The following INTS8 variants were observed in gnomAD, a reference collection of about 807,000 sequenced individuals.
The protein encoded by INTS8 is protein kaonashi-1.
Under a neutral mutation model 138.9 loss-of-function variants are expected in INTS8, and 47 were observed. That is an observed-to-expected ratio of 0.34 (90% CI 0.27 to 0.43). The LOEUF (loss-of-function observed/expected upper bound fraction) is 0.43. INTS8 is among the 20% of genes least tolerant of loss of function. INTS8 has a pLI of 1.00. For synonymous variants in INTS8, 392 were observed against 400.9 expected (o/e 0.98, Z 0.27); for missense variants, 996 against 1,173.0 (o/e 0.85, Z 2.20).
At position 94,865,503 on chromosome 8, in the gene INTS8, T is replaced by C. The variant is rs1337567814; in HGVS notation, c.2077-3T>C. The C allele has an allele frequency of 3.1e-6, 5 of 1,609,548 alleles. No homozygotes were observed. The highest frequency in any genetic ancestry group is 1.7e-5 in the Admixed American group (1 of 59,444). On this transcript the variant is annotated splice_region_variant and splice_polypyrimidine_tract_variant and intron_variant, in intron 16 of 26. Coordinates refer to ENST00000523731, the MANE Select transcript of INTS8 (RefSeq NM_017864.4). ...TTTGTGTATTTTGTTTTTCATGTTATAGCTTGGACAGCTTTTAGCAGCTAC... is the reference window on the plus strand; with the variant it reads ...TTTGTGTATTTTGTTTTTCATGTTACAGCTTGGACAGCTTTTAGCAGCTAC...
chr8:94,828,958 A>G lies in INTS8; in HGVS notation c.519-17A>G. 1 of 1,558,810 alleles carries G rather than the reference A, an allele frequency of 6.4e-7. No individual in the cohort carries two copies. The highest frequency in any genetic ancestry group is 8.8e-7 in the Non-Finnish European group (1 of 1,135,156). On this transcript the variant is annotated splice_polypyrimidine_tract_variant and intron_variant, in intron 4 of 26. Coordinates refer to ENST00000523731, the MANE Select transcript of INTS8 (RefSeq NM_017864.4). ...AGTAACTTTTGATACTTTTGTTTTCAATTGTTTCTCTTTTAGTATGAATCA... is the reference window on the plus strand; with the variant it reads ...AGTAACTTTTGATACTTTTGTTTTCGATTGTTTCTCTTTTAGTATGAATCA...
rs1445215431 is a variant in INTS8 at position 94,838,582 on chromosome 8, T to A, written c.981T>A (p.Ser327Arg). ...CATCTCAACAGTTGACTCCATATAG[T>A]CAAGTCCATATTTGTTTGAGATCTG... Reference protein sequence around the residue: ...DSTSQQLTPYSQVHICLRSGN... With the variant: ...DSTSQQLTPYRQVHICLRSGN... The change falls in exon 8 of 27, where the codon AGT becomes AGA. Residue 327 changes from serine to arginine, a missense_variant. Transcript: ENST00000523731. The A allele has an allele frequency of 1.2e-6, 2 of 1,613,666 alleles. No individual in the cohort carries two copies. Among genetic ancestry groups the A allele is most frequent in the Non-Finnish European group, 1.7e-6 (2 of 1,179,612 alleles).
intron 16 of INTS8, among the ~76,000 whole-genome samples, chr8:94,864,283 A>T (rs1816096920): frequency 6.6e-6 from 1 of 152,192 alleles, no homozygotes; most frequent in Admixed American, 6.5e-5. Context: ...CGCCTTAAGC[A>T]GTAGGGACCC....
At chr8:94,855,346 G>A (rs933889982) in intron 14 of INTS8, among the ~76,000 whole-genome samples, 3 of 152,166 alleles carry the variant, frequency 2.0e-5, no homozygotes, top group Non-Finnish European at 4.4e-5. Context: ...TTTTGAAAAT[G>A]TATGTGCTAA....
chr8:94,827,423 C>A lies in INTS8; in HGVS notation c.446+20C>A. The A allele has an allele frequency of 6.2e-7, 1 of 1,613,370 alleles. No homozygotes were observed. The highest frequency in any genetic ancestry group is 1.1e-5 in the South Asian group (1 of 91,024). ...TAGATGGTAAATGTTTTCATAAACT[C>A]AGAAGGCGTTGGGCAACCTCTGTTT... is the stretch of plus-strand genomic sequence containing the variant. On this transcript the variant is annotated intron_variant, in intron 3 of 26. Coordinates refer to ENST00000523731, the MANE Select transcript of INTS8 (RefSeq NM_017864.4).
At position 94,824,898 on chromosome 8, in the gene INTS8, G is replaced by GCAC; in HGVS notation, c.139_141dup (p.Pro47dup). 6.3e-7 allele frequency: 1 copy of GCAC among 1,599,366 alleles called. No individual in the cohort carries two copies. The highest frequency in any genetic ancestry group is 8.5e-7 in the Non-Finnish European group (1 of 1,172,252). On this transcript the variant is annotated inframe_insertion, in exon 2 of 27. Transcript: ENST00000523731. ...TATTTTCTTTTAAACCCTAGATCCTGCACCAGTTCAACTTATAGTTCAGTT... is the reference window on the plus strand; with the variant it reads ...TATTTTCTTTTAAACCCTAGATCCTGCACCACCAGTTCAACTTATAGTTCAGTT...
chr8:94,852,162 C>G (rs760240054), intron 13 of INTS8, among the ~76,000 whole-genome samples: 1 of 151,338 alleles, frequency 6.6e-6, no homozygotes, highest in South Asian at 2.1e-4. Flanking sequence ...AGGATGATCT[C>G]GAACTCCTGA....
chr8:94,859,580 A>G lies in INTS8; in HGVS notation c.2024A>G (p.Tyr675Cys), dbSNP rs768771479. Residue 675 changes from tyrosine (Y) to cysteine (C), a missense_variant, in exon 16 of 27, where the codon TAC becomes TGC. Physicochemically the swap from Tyr to Cys is radical, Grantham distance 194. Transcript: ENST00000523731. ...AFMLNWRENE[Y>C]LTLQVPAFLL... ...ATGTTAAACTGGAGAGAAAATGAAT[A>G]CCTTACACTCCAAGTTCCTGCATTT... The G allele has an allele frequency of 1.6e-5, 25 of 1,611,436 alleles. No homozygotes were observed. Among genetic ancestry groups the G allele is most frequent in the Non-Finnish European group, 2.0e-5 (24 of 1,177,780 alleles).
In INTS8 at chr8:94,863,393, C is replaced by A. The variant is rs185897417; in HGVS notation, c.2077-2113C>A. Among the ~76,000 whole-genome samples the A allele has an allele frequency of 2.0e-5, 3 of 152,320 alleles. No homozygotes were observed. The East Asian group carries it at 5.8e-4, about 29-fold the overall frequency. ...AGCCAGGATGTCCTTTCCAGCTTTGCGTGTTTGTGTGATTTCTCTGATGCT... is the reference window on the plus strand; with the variant it reads ...AGCCAGGATGTCCTTTCCAGCTTTGAGTGTTTGTGTGATTTCTCTGATGCT... On this transcript the variant is annotated intron_variant, in intron 16 of 26. Coordinates refer to ENST00000523731, the MANE Select transcript of INTS8 (RefSeq NM_017864.4).
intron 15 of INTS8, among the ~76,000 whole-genome samples, chr8:94,857,447 T>C (rs1815793434): frequency 6.6e-6 from 1 of 152,136 alleles, no homozygotes; most frequent in Non-Finnish European, 1.5e-5. Context: ...TGGAGAACAT[T>C]GGGAAAAATG....
intron 5 of INTS8, among the ~76,000 whole-genome samples, chr8:94,830,832 C>G (rs1385937785): frequency 6.6e-6 from 1 of 152,194 alleles, no homozygotes; most frequent in Non-Finnish European, 1.5e-5. Flanking sequence ...GAGTCTTGCT[C>G]TGTTGCCCAG....
At chr8:94,827,483 T>C (rs753485075) in intron 3 of INTS8, 80 bp downstream of exon 3, 9 of 1,486,394 alleles carry the variant, frequency 6.1e-6, no homozygotes, top group Non-Finnish European at 8.4e-6. Flanking sequence ...ATTCTTTTAA[T>C]GGACCCATTC....
At chr8:94,872,951 G>A (rs1816449131) in intron 21 of INTS8, among the ~76,000 whole-genome samples, 1 of 152,136 alleles carries the variant, frequency 6.6e-6, no homozygotes, top group African/African-American at 2.4e-5. Context: ...ATTAGCTCAT[G>A]GCCAGTCTTG....
At chr8:94,868,167 GA>G (rs1430634648) in intron 20 of INTS8, among the ~76,000 whole-genome samples, 1 of 151,868 alleles carries the variant, frequency 6.6e-6, no homozygotes, top group Non-Finnish European at 1.5e-5. Flanking sequence ...TTTAGGGGAG[GA>G]AAAAGGGTTC....
chr8:94,850,629 A>G (rs1249040307), intron 12 of INTS8, among the ~76,000 whole-genome samples: 1 of 150,588 alleles, frequency 6.6e-6, no homozygotes, highest in Admixed American at 6.6e-5. Context: ...AAAAAAAAAA[A>G]AAGATTTTCA....
rs1195647511 is a variant in INTS8, at chr8:94,861,056, CAAAAA to C, written c.2076+1439_2076+1443del. On this transcript the variant is annotated intron_variant, in intron 16 of 26. Coordinates refer to ENST00000523731, the MANE Select transcript of INTS8 (RefSeq NM_017864.4). ...TGGGCGACAGAGTGAGACTCTGTCT[CAAAAA>C]AAAAAAAAAAAAAATCCTTTAAATC... Among the ~76,000 whole-genome samples the C allele has an allele frequency of 7.6e-4, 76 of 99,738 alleles. 1 individual carries two copies. The East Asian group carries it at 0.018, about 24-fold the overall frequency. The allele number at this position is 99,738 out of a possible 152,430, so 65.4% of individuals were successfully genotyped here. A position where few individuals can be genotyped will look rare whatever the true frequency, so the allele number is the denominator to read the frequency against.
In INTS8 at chr8:94,865,641, A is replaced by G; in HGVS notation, c.2212A>G (p.Arg738Gly). 1 of 1,614,154 alleles carries G rather than the reference A, an allele frequency of 6.2e-7. No homozygotes were observed. The highest frequency in any genetic ancestry group is 8.5e-7 in the Non-Finnish European group (1 of 1,179,970). The change falls in exon 17 of 27, where the codon AGA becomes GGA. Residue 738 changes from arginine to glycine, a missense_variant. Transcript: ENST00000523731. ...TCAGCACAAACGAGGAAATGATGGC[A>G]GAGTTAGTTTAATAAAACAGAGGGA... ...SSQHKRGNDG[R>G]VSLIKQREST...
intron 26 of INTS8, among the ~76,000 whole-genome samples, chr8:94,877,605 G>T (rs1315053983): frequency 1.3e-5 from 2 of 152,122 alleles, no homozygotes; most frequent in Non-Finnish European, 2.9e-5. Flanking sequence ...GTATCTGGTT[G>T]TTCCTCTACA....
chr8:94,842,864 C>G (rs1480089705), intron 10 of INTS8, among the ~76,000 whole-genome samples: 1 of 152,210 alleles, frequency 6.6e-6, no homozygotes, highest in Non-Finnish European at 1.5e-5. Flanking sequence ...AGCCTCTTGT[C>G]TGTCATGTGT....
Sources: gnomAD v4.1 joint callset for allele counts (sites outside exome capture counted in the v4.1 genomes callset) on GRCh38, gnomAD v4.1.1 for gene constraint, MANE v1.5 for transcripts, NCBI Gene and HGNC (gene_info 2026-07-23, HGNC 2026-07-21) for gene names.